Variants in STPG2 observed in about 807,000 individuals in gnomAD.
STPG2 encodes the protein sperm-tail PG-rich repeat-containing protein 2.
In STPG2, 56 loss-of-function variants were observed where a neutral mutation model predicts 54.2. That is an observed-to-expected ratio of 1.03 (90% CI 0.83 to 1.29). The LOEUF (loss-of-function observed/expected upper bound fraction) is 1.29. Among genes scored for constraint, STPG2 ranks in the 50% most tolerant of loss-of-function variants. The probability of loss-of-function intolerance (pLI) is 0.00; values close to 1 mark genes in which losing one functional copy is unlikely to be tolerated. For synonymous variants in STPG2, 200 were observed against 181.8 expected, an observed-to-expected ratio of 1.10 and a Z score of -0.81; for missense variants, 596 against 544.9, an observed-to-expected ratio of 1.09 and a Z score of -0.93.
At chr4:97,897,549 T>G (rs926472769) in intron 8 of STPG2, among the ~76,000 whole-genome samples, 2 of 152,150 alleles carry the variant, frequency 1.3e-5, no homozygotes, top group Admixed American at 6.5e-5. Context: ...CTTTTTTCTC[T>G]GCAACCTTGT....
rs182564529 is a variant in STPG2, at chr4:97,468,333, T to C, written c.462+244366A>G. On this transcript the variant is annotated intron_variant, in intron 4 of 4. Coordinates refer to the STPG2 transcript ENST00000522676. ...TATACCTAACCAAGTTTGTTTATTTTTTAATTAATCAAAAATAAGCACATT... is the reference window on the plus strand; with the variant it reads ...TATACCTAACCAAGTTTGTTTATTTCTTAATTAATCAAAAATAAGCACATT... Among the ~76,000 whole-genome samples the C allele has an allele frequency of 1.8e-3, 279 of 152,150 alleles. 1 individual carries two copies. The highest frequency in any genetic ancestry group is 6.4e-3 in the African/African-American group (266 of 41,574).
At chr4:97,503,068 A>T (rs1382192463) in intron 4 of STPG2, among the ~76,000 whole-genome samples, 2 of 152,052 alleles carry the variant, frequency 1.3e-5, no homozygotes, top group African/African-American at 4.8e-5. Flanking sequence ...CCCAAGGGAT[A>T]GTTCAATTAT....
At chr4:98,032,659 C>T (rs1312574945) in intron 5 of STPG2, among the ~76,000 whole-genome samples, 3 of 152,154 alleles carry the variant, frequency 2.0e-5, no homozygotes, top group African/African-American at 4.8e-5. Flanking sequence ...AGCACCACAT[C>T]GTGCTTATTC....
intron 10 of STPG2, among the ~76,000 whole-genome samples, chr4:97,684,795 G>A (rs553263164): frequency 6.6e-6 from 1 of 151,834 alleles, no homozygotes; most frequent in South Asian, 2.1e-4. Flanking sequence ...ACACTATTAG[G>A]AGAATGAAGA....
At chr4:97,639,959 A>T (rs1311673111) in intron 10 of STPG2, among the ~76,000 whole-genome samples, 1 of 152,120 alleles carries the variant, frequency 6.6e-6, no homozygotes, top group Non-Finnish European at 1.5e-5. Context: ...CTTATTTAAC[A>T]TTTTGTAGCA....
intron 7 of STPG2, among the ~76,000 whole-genome samples, chr4:97,944,966 T>C (rs1444269483): frequency 2.0e-5 from 3 of 152,210 alleles, no homozygotes; most frequent in Non-Finnish European, 4.4e-5. Flanking sequence ...TTTAAAAATG[T>C]GAAAGCCTTT....
intron 9 of STPG2, among the ~76,000 whole-genome samples, chr4:97,749,789 GT>G (rs1170499207): frequency 6.6e-6 from 1 of 151,742 alleles, no homozygotes; most frequent in Non-Finnish European, 1.5e-5. Context: ...ATTTTCTAAA[GT>G]TTTTAGAAGA....
At chr4:97,786,386 TTCTAC>T (rs1446445998) in intron 9 of STPG2, among the ~76,000 whole-genome samples, 3 of 152,142 alleles carry the variant, frequency 2.0e-5, no homozygotes, top group African/African-American at 7.2e-5. Flanking sequence ...TTTCATTAAG[TTCTAC>T]TCTAAAGAGT....
chr4:97,970,608 T>C (rs567588330), intron 7 of STPG2, among the ~76,000 whole-genome samples: 2 of 152,362 alleles, frequency 1.3e-5, no homozygotes, highest in Admixed American at 6.5e-5. Context: ...GCTAGCCATA[T>C]GTAGAAAGCT....
intron 10 of STPG2, among the ~76,000 whole-genome samples, chr4:97,623,988 A>C (rs1645859835): frequency 6.6e-6 from 1 of 152,184 alleles, no homozygotes; most frequent in African/African-American, 2.4e-5. Flanking sequence ...TTATGGCTGC[A>C]TAGTATTCCA....
chr4:97,486,897 A>AC (rs1491404362), intron 4 of STPG2, among the ~76,000 whole-genome samples: 1,692 of 146,656 alleles, frequency 0.012, 32 homozygotes, highest in African/African-American at 0.041. Context: ...ACACACACAC[A>AC]ATGGAATACT....
At chr4:97,823,794 G>A (rs1163592502) in intron 9 of STPG2, among the ~76,000 whole-genome samples, 1 of 152,162 alleles carries the variant, frequency 6.6e-6, no homozygotes, top group Non-Finnish European at 1.5e-5. Flanking sequence ...CCAGGTAAAA[G>A]ATGGGACTGG....
chr4:97,829,091 G>A (rs1560544106), intron 9 of STPG2, among the ~76,000 whole-genome samples: 1 of 152,162 alleles, frequency 6.6e-6, no homozygotes, highest in African/African-American at 2.4e-5. Flanking sequence ...ACATCTCCGA[G>A]TAGGGGTCGA....
chr4:97,620,790 T>C (rs578131358), intron 10 of STPG2, among the ~76,000 whole-genome samples: 2 of 152,048 alleles, frequency 1.3e-5, no homozygotes, highest in African/African-American at 2.4e-5. Context: ...ATAGACATAA[T>C]TGACATACAG....
At chr4:97,484,436 T>C (rs1176463029) in intron 4 of STPG2, among the ~76,000 whole-genome samples, 1 of 151,604 alleles carries the variant, frequency 6.6e-6, no homozygotes, top group Admixed American at 6.6e-5. Flanking sequence ...ATGAAAACTT[T>C]TACGCACATC....
chr4:97,567,056 AAAAG>A (rs1560664728), intron 10 of STPG2, among the ~76,000 whole-genome samples: 1 of 151,776 alleles, frequency 6.6e-6, no homozygotes, highest in African/African-American at 2.4e-5. Context: ...ATAAATAAAT[AAAAG>A]AAAGAAATGG....
chr4:97,810,862 T>A (rs1000148615), intron 9 of STPG2, among the ~76,000 whole-genome samples: 2 of 152,178 alleles, frequency 1.3e-5, no homozygotes, highest in Non-Finnish European at 2.9e-5. Context: ...ACCAGGTACT[T>A]AAAACCATTA....
chr4:97,538,400 A>G (rs976206461), intron 4 of STPG2, among the ~76,000 whole-genome samples: 6 of 152,252 alleles, frequency 3.9e-5, no homozygotes, highest in African/African-American at 1.2e-4. Flanking sequence ...CAAATGCACA[A>G]GCTTCAGTAG....
chr4:97,521,482 T>C (rs1387105588), intron 4 of STPG2, among the ~76,000 whole-genome samples: 2 of 152,014 alleles, frequency 1.3e-5, no homozygotes, highest in Admixed American at 6.6e-5. Context: ...TTTGGGATCA[T>C]TACCCAGAAC....
Sources: allele counts gnomAD v4.1 joint callset (sites outside exome capture counted in the v4.1 genomes callset), GRCh38; gene constraint gnomAD v4.1.1; transcripts MANE v1.5; gene names NCBI Gene and HGNC (gene_info 2026-07-23, HGNC 2026-07-21).